Variants in JAKMIP1 observed in about 807,000 individuals in gnomAD.
The protein encoded by JAKMIP1 is janus kinase and microtubule interacting protein 1, also known as janus kinase and microtubule-interacting protein 1.
A neutral mutation model predicts 113.0 loss-of-function variants in JAKMIP1; 33 were observed. That is an observed-to-expected ratio of 0.29 (90% CI 0.22 to 0.39). The LOEUF is 0.39. Ranked by LOEUF, JAKMIP1 falls within the 10% of genes least tolerant of loss-of-function variation. The probability of loss-of-function intolerance (pLI) is 1.00; values close to 1 mark genes in which losing one functional copy is unlikely to be tolerated. For synonymous variants in JAKMIP1, 480 were observed against 459.9 expected (o/e 1.04, Z -0.56); for missense variants, 813 against 1,080.5 (o/e 0.75, Z 3.47).
rs1287106427 is a variant in JAKMIP1 at position 6,097,775 on chromosome 4, T to A, written c.624+7698A>T. ...CAAATGGTGTGAGTCAACCATTCCA[T>A]GGGAAAAGCCAGGCCCACGCTTCCT... On this transcript the variant is annotated intron_variant, in intron 3 of 20. Transcript: ENST00000409021. The surrounding 1 kb of genome is among the most constrained non-coding windows in gnomAD (Gnocchi z 4.3). 1.3e-5 allele frequency among the ~76,000 whole-genome samples: 2 copies of A among 152,174 alleles called. No individual in the cohort carries two copies. The highest frequency in any genetic ancestry group is 6.5e-5 in the Admixed American group (1 of 15,276).
intron 1 of JAKMIP1, among the ~76,000 whole-genome samples, chr4:6,171,896 G>T (rs1724775809): frequency 6.6e-6 from 1 of 152,180 alleles, no homozygotes; most frequent in Non-Finnish European, 1.5e-5. Context: ...TTCAAACCTG[G>T]TGATGTGTAT....
chr4:6,094,076 C>A lies in JAKMIP1; in HGVS notation c.625-8447G>T, dbSNP rs1356432226. Among the ~76,000 whole-genome samples the A allele has an allele frequency of 6.6e-6, 1 of 152,008 alleles. No individual in the cohort carries two copies. The highest frequency in any genetic ancestry group is 2.4e-5 in the African/African-American group (1 of 41,372). On this transcript the variant is annotated intron_variant, in intron 3 of 20. Coordinates refer to ENST00000409021, the MANE Select transcript of JAKMIP1 (RefSeq NM_001099433.2). This position sits in a 1 kb window ranked among gnomAD's most constrained non-coding sequence, Gnocchi z 4.2. ...TGGCCAGGCAGGGTTTTAGCCATGG[C>A]CCCCCAGGACTCCCCCGAGAGGCTG...
Position 6,044,530 on chromosome 4 carries a change from A to T in JAKMIP1, c.2029-2303T>A, listed in dbSNP as rs555108492. 1.3e-5 allele frequency among the ~76,000 whole-genome samples: 2 copies of T among 152,236 alleles called. No individual in the cohort carries two copies. The highest frequency in any genetic ancestry group is 4.8e-5 in the African/African-American group (2 of 41,542). ...CTTCCTCAAACAAGGCTCAGACAAG[A>T]TGCGTGGTTTCTTAGAAACAGATAA... is the stretch of plus-strand genomic sequence containing the variant. On this transcript the variant is annotated intron_variant, in intron 16 of 20. Coordinates refer to ENST00000409021, the MANE Select transcript of JAKMIP1 (RefSeq NM_001099433.2). This position sits in a 1 kb window ranked among gnomAD's most constrained non-coding sequence, Gnocchi z 4.4.
Position 6,048,699 on chromosome 4 carries a change from C to T in JAKMIP1, c.2028+158G>A, listed in dbSNP as rs115097338. The stretch of plus-strand genomic sequence containing the variant: ...TTCTACAGTGAGCATGTGGGACTTC[C>T]GTCATGAAGAGAACGGAAAGGCATG... On this transcript the variant is annotated intron_variant, in intron 16 of 20. Transcript: ENST00000409021. Among the ~76,000 whole-genome samples the T allele has an allele frequency of 4.7e-3, 711 of 152,348 alleles. 2 individuals carry two copies. The highest frequency in any genetic ancestry group is 7.6e-3 in the Non-Finnish European group (514 of 68,038).
Position 6,049,023 on chromosome 4 carries a change from GT to G in JAKMIP1, c.1963-102del, listed in dbSNP as rs1209752783. 2 of 850,274 alleles carry G rather than the reference GT, an allele frequency of 2.4e-6. No individual in the cohort carries two copies. The highest frequency in any genetic ancestry group is 3.9e-6 in the Non-Finnish European group (2 of 513,208). The allele number at this position is 850,274 out of a possible 1,614,324, so 52.7% of individuals were successfully genotyped here. A position where few individuals can be genotyped will look rare whatever the true frequency, so the allele number is the denominator to read the frequency against. On this transcript the variant is annotated intron_variant, in intron 15 of 20. Transcript: ENST00000409021. This position sits in a 1 kb window ranked among gnomAD's most constrained non-coding sequence, Gnocchi z 7.0. ...TTTTTTTTTTTCGTTGTTGTTGTTTGTTTTATTATGTTTGTTTGTTTTGAGA... is the reference window on the plus strand; with the variant it reads ...TTTTTTTTTTTCGTTGTTGTTGTTTGTTTATTATGTTTGTTTGTTTTGAGA...
chr4:6,188,609 G>A lies in JAKMIP1; in HGVS notation c.-148+11644C>T, dbSNP rs915103560. On this transcript the variant is annotated intron_variant, in intron 1 of 20. Transcript: ENST00000409021. The surrounding 1 kb of genome is among the most constrained non-coding windows in gnomAD (Gnocchi z 5.8). ...TACAACCCAGGAGCAAATGAATCGT[G>A]AAATTCCAAATTAGCAACTTATTAA... Among the ~76,000 whole-genome samples, 1 of 152,164 alleles carries A rather than the reference G, an allele frequency of 6.6e-6. No homozygotes were observed. Among genetic ancestry groups the A allele is most frequent in the Non-Finnish European group, 1.5e-5 (1 of 68,030 alleles).
At chr4:6,115,316 A>G (rs940208680) in intron 1 of JAKMIP1, among the ~76,000 whole-genome samples, 2 of 152,244 alleles carry the variant, frequency 1.3e-5, no homozygotes, top group African/African-American at 4.8e-5. Context: ...AGGCTGAGAC[A>G]GGAGAATTGC....
intron 20 of JAKMIP1, among the ~76,000 whole-genome samples, chr4:6,028,111 G>A (rs1245129962): frequency 1.3e-5 from 2 of 152,222 alleles, no homozygotes; most frequent in African/African-American, 4.8e-5. Flanking sequence ...GGGGCAGAGG[G>A]GTGAATTTCC....
At chr4:6,046,678 A>G (rs573205249) in intron 16 of JAKMIP1, among the ~76,000 whole-genome samples, 1 of 152,298 alleles carries the variant, frequency 6.6e-6, no homozygotes, top group East Asian at 1.9e-4. Context: ...CGGATCCCAG[A>G]CAGGTTCCAC....
chr4:6,096,502 TCTG>T (rs1257015768), intron 3 of JAKMIP1, among the ~76,000 whole-genome samples: 1 of 152,226 alleles, frequency 6.6e-6, no homozygotes, highest in East Asian at 1.9e-4. Flanking sequence ...CATCAAATAC[TCTG>T]TTGAGGAAAC....
rs35255967 is a variant in JAKMIP1, at chr4:6,140,250, CTTT to C, written c.-147-27256_-147-27254del. Among the ~76,000 whole-genome samples the C allele has an allele frequency of 7.1e-5, 10 of 140,218 alleles. No individual in the cohort carries two copies. The highest frequency in any genetic ancestry group is 1.1e-4 in the Non-Finnish European group (7 of 64,328). 92.0% of individuals were successfully genotyped at this position (140,218 alleles called of 152,430 possible). ...CTGCTCCCTATTTTTCTTTTTTCCT[CTTT>C]TTTTTTTTTTTTTCTGTGGGGAGGG... On this transcript the variant is annotated intron_variant, in intron 1 of 20. Coordinates refer to ENST00000409021, the MANE Select transcript of JAKMIP1 (RefSeq NM_001099433.2). The surrounding 1 kb of genome is among the most constrained non-coding windows in gnomAD (Gnocchi z 9.4).
At chr4:6,100,790 T>C (rs1233063806) in intron 3 of JAKMIP1, among the ~76,000 whole-genome samples, 1 of 152,216 alleles carries the variant, frequency 6.6e-6, no homozygotes, top group Non-Finnish European at 1.5e-5. Context: ...TTATATCTAG[T>C]TGTAATTTTA....
At chr4:6,120,772 C>T (rs1716595985) in intron 1 of JAKMIP1, among the ~76,000 whole-genome samples, 1 of 152,216 alleles carries the variant, frequency 6.6e-6, no homozygotes, top group Non-Finnish European at 1.5e-5. Flanking sequence ...AGCTTCAGCT[C>T]CTTCCATGCG....
chr4:6,099,353 C>T (rs142271542), intron 3 of JAKMIP1, among the ~76,000 whole-genome samples: 163 of 152,240 alleles, frequency 1.1e-3, no homozygotes, highest in African/African-American at 3.7e-3. Context: ...CATTTTATTT[C>T]CCCATTTGCT....
intron 1 of JAKMIP1, among the ~76,000 whole-genome samples, chr4:6,163,714 G>A (rs775253550): frequency 8.5e-5 from 13 of 152,174 alleles, no homozygotes; most frequent in African/African-American, 1.9e-4. Flanking sequence ...GAATGCACAG[G>A]GAAAGTTCTT....
intron 10 of JAKMIP1, 79 bp from the exon 11 acceptor site, chr4:6,060,586 C>T: frequency 9.7e-7 from 1 of 1,026,506 alleles, no homozygotes; most frequent in Non-Finnish European, 1.5e-6. Context: ...TGCCCCAATG[C>T]AAGCAATGCC....
Position 6,187,383 on chromosome 4 carries a change from T to G in JAKMIP1, c.-148+12870A>C, listed in dbSNP as rs540672837. On this transcript the variant is annotated intron_variant, in intron 1 of 20. Transcript: ENST00000409021. The surrounding 1 kb of genome is among the most constrained non-coding windows in gnomAD (Gnocchi z 4.2). Reference sequence around the variant, plus strand: ...CTTTCAATCTATTTGTATCCTTGAATCTAAAGTGTGTCTCCTATAGACAGT... The same window carrying G: ...CTTTCAATCTATTTGTATCCTTGAAGCTAAAGTGTGTCTCCTATAGACAGT... Among the ~76,000 whole-genome samples the G allele has an allele frequency of 2.6e-5, 4 of 152,374 alleles. No individual in the cohort carries two copies. The East Asian group carries it at 5.8e-4, about 22-fold the overall frequency.
At chr4:6,056,885 G>A (rs753477667) in intron 11 of JAKMIP1, 126 bp from the exon 12 acceptor site, 39 of 713,474 alleles carry the variant, frequency 5.5e-5, no homozygotes, top group Non-Finnish European at 8.8e-5. Flanking sequence ...AATGACAGCC[G>A]TGATGTGCCC....
intron 8 of JAKMIP1, among the ~76,000 whole-genome samples, chr4:6,075,900 G>C (rs1205930528): frequency 2.0e-5 from 3 of 152,210 alleles, no homozygotes; most frequent in Admixed American, 2.0e-4. Flanking sequence ...AGAATGGCCA[G>C]TTGCAGCTGC....
Sources: allele counts gnomAD v4.1 joint callset (sites outside exome capture counted in the v4.1 genomes callset), GRCh38; gene constraint gnomAD v4.1.1; non-coding constraint Gnocchi (gnomAD v3.1); transcripts MANE v1.5; gene names NCBI Gene and HGNC (gene_info 2026-07-23, HGNC 2026-07-21).